The following MPRIP variants were observed in gnomAD, a reference collection of about 807,000 sequenced individuals.
MPRIP encodes the protein myosin phosphatase Rho interacting protein.
In MPRIP, 59 loss-of-function variants were observed where a neutral mutation model predicts 234.9. The observed-to-expected ratio is 0.25, with a 90% CI of 0.20 to 0.31. MPRIP has a LOEUF of 0.31. MPRIP is among the 10% of genes least tolerant of loss of function. MPRIP has a pLI of 1.00. For synonymous variants in MPRIP, 1,144 were observed against 1,263.9 expected, an observed-to-expected ratio of 0.91 and a Z score of 2.01; for missense variants, 2,436 against 3,071.0, an observed-to-expected ratio of 0.79 and a Z score of 4.89.
intron 15 of MPRIP, among the ~76,000 whole-genome samples, 198 bp downstream of exon 15, chr17:17,161,554 A>G (rs772336523): frequency 3.9e-5 from 6 of 152,094 alleles, no homozygotes; most frequent in Non-Finnish European, 7.4e-5. Context: ...CCCTCCTGAT[A>G]TGACATTTTG....
chr17:17,179,654 A>T (rs1218579238), intron 22 of MPRIP: 1 of 194,182 alleles, frequency 5.1e-6, no homozygotes, highest in African/African-American at 2.4e-5. Flanking sequence ...GAAGGTAGAG[A>T]ATCATGGATA....
At chr17:17,111,567 C>T (rs1449579897) in intron 3 of MPRIP, among the ~76,000 whole-genome samples, 1 of 152,194 alleles carries the variant, frequency 6.6e-6, no homozygotes, top group African/African-American at 2.4e-5. Context: ...GACCTGGCAA[C>T]GGGTGGCCCC....
At chr17:17,096,710 G>A (rs1285528357) in intron 3 of MPRIP, 1 of 470,168 alleles carries the variant, frequency 2.1e-6, no homozygotes, top group East Asian at 6.9e-5. Context: ...CTGGGGCTCA[G>A]CCCTGTCCTT....
At chr17:17,163,390 C>G (rs1419786892) in intron 15 of MPRIP, among the ~76,000 whole-genome samples, 2 of 152,058 alleles carry the variant, frequency 1.3e-5, no homozygotes, top group African/African-American at 4.8e-5. Context: ...AGTTTTGTTT[C>G]ATTTACGTTG....
At position 17,173,362 on chromosome 17, in the gene MPRIP, G is replaced by A. The variant is rs549832901; in HGVS notation, c.6590+547G>A. ...TACCAGGAGCCTTTATAGCATAGCC[G>A]AAGCCAGGGGCCCTGCCTCAGGAGC... is the stretch of plus-strand genomic sequence containing the variant. On this transcript the variant is annotated intron_variant, in intron 18 of 23. Transcript: ENST00000651222. 4.2e-4 allele frequency among the ~76,000 whole-genome samples: 64 copies of A among 152,336 alleles called. 1 individual carries two copies. The highest frequency in any genetic ancestry group is 2.5e-4 in the Non-Finnish European group (17 of 68,036).
intron 12 of MPRIP, 67 bp from the exon 13 acceptor site, chr17:17,154,239 T>G: frequency 1.4e-6 from 2 of 1,395,538 alleles, no homozygotes; most frequent in Non-Finnish European, 2.0e-6. Context: ...GGGAGCTTCT[T>G]TGGAGATGGA....
intron 1 of MPRIP, among the ~76,000 whole-genome samples, chr17:17,052,154 C>T (rs994759030): frequency 2.0e-5 from 3 of 152,136 alleles, no homozygotes; most frequent in African/African-American, 4.8e-5. Context: ...GCAATGGGGC[C>T]GTGATACAGA....
At chr17:17,067,408 T>G (rs1330661146) in intron 1 of MPRIP, among the ~76,000 whole-genome samples, 2 of 152,064 alleles carry the variant, frequency 1.3e-5, no homozygotes, top group African/African-American at 2.4e-5. Flanking sequence ...AGCTACTAAG[T>G]GACTAAGGGG....
At chr17:17,149,362 G>A (rs1167967790) in intron 11 of MPRIP, among the ~76,000 whole-genome samples, 2 of 151,984 alleles carry the variant, frequency 1.3e-5, no homozygotes, top group Non-Finnish European at 2.9e-5. Context: ...GCTTGGTGGT[G>A]GTCATCTGTA....
chr17:17,080,557 A>G (rs1261077942), intron 3 of MPRIP, among the ~76,000 whole-genome samples: 1 of 152,182 alleles, frequency 6.6e-6, no homozygotes, highest in East Asian at 1.9e-4. Flanking sequence ...GCCACTGGCC[A>G]TGTCTGGAGT....
chr17:17,175,179 C>G, intron 19 of MPRIP, 114 bp from the exon 20 acceptor site: 1 of 1,472,370 alleles, frequency 6.8e-7, no homozygotes, highest in Non-Finnish European at 9.5e-7. Flanking sequence ...TGGATCCTGC[C>G]TACGCAGTTC....
In MPRIP at chr17:17,164,621, G is replaced by A. The variant is rs968127007; in HGVS notation, c.3030G>A (p.Ala1010=). The change falls in exon 16 of 24, where the codon GCG becomes GCA. Residue 1010 remains alanine (A), a synonymous_variant. Transcript: ENST00000651222. ...LSQQLGASEQ[A]QRLMEEKLQR... ...AGCAACTGGGCGCCAGTGAGCAGGC[G>A]CAGCGGCTGATGGAGGAGAAGCTGC... 62 of 1,219,548 alleles carry A rather than the reference G, an allele frequency of 5.1e-5. No homozygotes were observed. Among genetic ancestry groups the A allele is most frequent in the Admixed American group, 2.4e-4 (7 of 29,038 alleles). 75.5% of individuals were successfully genotyped at this position (1,219,548 alleles called of 1,614,324 possible).
intron 1 of MPRIP, among the ~76,000 whole-genome samples, chr17:17,052,898 A>G (rs2088584489): frequency 6.6e-6 from 1 of 152,214 alleles, no homozygotes; most frequent in African/African-American, 2.4e-5. Context: ...CAGACCCACA[A>G]GCAACCGTGG....
Position 17,187,977 on chromosome 17 carries a change from A to C in MPRIP, c.*3083A>C, listed in dbSNP as rs1421563308. 1 of 152,282 alleles carries C rather than the reference A, an allele frequency of 6.6e-6. No homozygotes were observed. The highest frequency in any genetic ancestry group is 2.4e-5 in the African/African-American group (1 of 41,474). 9.4% of individuals were successfully genotyped at this position (152,282 alleles called of 1,614,324 possible). On this transcript the variant is annotated 3_prime_UTR_variant, in exon 24 of 24. Coordinates refer to ENST00000651222, the MANE Select transcript of MPRIP (RefSeq NM_001364716.4). ...CTAGCACCAGCCAGTAAGCTGTGCCACACATATGAATGGGAAAGCGAGGCA... is the reference window on the plus strand; with the variant it reads ...CTAGCACCAGCCAGTAAGCTGTGCCCCACATATGAATGGGAAAGCGAGGCA...
chr17:17,185,479 G>A lies in MPRIP; in HGVS notation c.*585G>A, dbSNP rs1177841446. ...GCTTAGAACCACACCCCTGAGAGTC[G>A]TGGCAAACCTTTCACAACCTGGAAA... On this transcript the variant is annotated 3_prime_UTR_variant, in exon 24 of 24. Coordinates refer to ENST00000651222, the MANE Select transcript of MPRIP (RefSeq NM_001364716.4). The A allele has an allele frequency of 3.1e-5, 14 of 457,240 alleles. No homozygotes were observed. Among genetic ancestry groups the A allele is most frequent in the African/African-American group, 1.2e-4 (6 of 50,194 alleles). 28.3% of individuals were successfully genotyped at this position (457,240 alleles called of 1,614,324 possible).
chr17:17,059,365 C>T (rs1301614506), intron 1 of MPRIP, among the ~76,000 whole-genome samples: 1 of 152,208 alleles, frequency 6.6e-6, no homozygotes, highest in East Asian at 1.9e-4. Context: ...ATGGTTTTGA[C>T]TCAGGGACCC....
Position 17,187,803 on chromosome 17 carries a change from G to A in MPRIP, c.*2909G>A, listed in dbSNP as rs1188442535. Reference sequence around the variant, plus strand: ...TCTGTATGGGGAGAGGAAAGTCTTAGGGACAGCTGCAGGCGGGGTCTCAGG... The same window carrying A: ...TCTGTATGGGGAGAGGAAAGTCTTAAGGACAGCTGCAGGCGGGGTCTCAGG... On this transcript the variant is annotated 3_prime_UTR_variant, in exon 24 of 24. Transcript: ENST00000651222. 2 of 152,290 alleles carry A rather than the reference G, an allele frequency of 1.3e-5. No individual in the cohort carries two copies. Among genetic ancestry groups the A allele is most frequent in the African/African-American group, 2.4e-5 (1 of 41,472 alleles). 9.4% of individuals were successfully genotyped at this position (152,290 alleles called of 1,614,324 possible). A position where few individuals can be genotyped will look rare whatever the true frequency, so the allele number is the denominator to read the frequency against.
At chr17:17,084,555 T>C (rs887643642) in intron 3 of MPRIP, among the ~76,000 whole-genome samples, 3 of 152,238 alleles carry the variant, frequency 2.0e-5, no homozygotes, top group African/African-American at 7.2e-5. Context: ...CCTTGATGTG[T>C]AGGCAAGGCA....
chr17:17,116,621 C>T (rs1032706851), intron 3 of MPRIP, among the ~76,000 whole-genome samples: 10 of 152,258 alleles, frequency 6.6e-5, no homozygotes, highest in African/African-American at 2.4e-4. Context: ...CTCATCTAGC[C>T]AAGCCTCCCA....
Sources: gnomAD v4.1 joint callset for allele counts (sites outside exome capture counted in the v4.1 genomes callset) on GRCh38, gnomAD v4.1.1 for gene constraint, MANE v1.5 for transcripts, NCBI Gene and HGNC (gene_info 2026-07-23, HGNC 2026-07-21) for gene names.